The following CADM2 variants were observed in gnomAD, a reference collection of about 807,000 sequenced individuals.
The protein encoded by CADM2 is immunoglobulin superfamily member 4D.
Under a neutral mutation model 49.8 loss-of-function variants are expected in CADM2, and 12 were observed. The ratio of observed to expected loss-of-function variants is 0.24; its 90% CI spans 0.15 to 0.39. The LOEUF (loss-of-function observed/expected upper bound fraction) is 0.39, where lower values mean the gene tolerates loss of function less well. CADM2 is among the 10% of genes least tolerant of loss of function. The pLI is 1.00. For synonymous variants in CADM2, 214 were observed against 175.4 expected, an observed-to-expected ratio of 1.22 and a Z score of -1.74; for missense variants, 378 against 492.3, an observed-to-expected ratio of 0.77 and a Z score of 2.20.
At chr3:85,299,778 G>C (rs1186002323) in intron 1 of CADM2, among the ~76,000 whole-genome samples, 1 of 152,004 alleles carries the variant, frequency 6.6e-6, no homozygotes. Flanking sequence ...TGAAGCATGT[G>C]AGAGCTATAA....
At chr3:85,091,437 A>G (rs952617415) in intron 1 of CADM2, among the ~76,000 whole-genome samples, 3 of 152,190 alleles carry the variant, frequency 2.0e-5, no homozygotes, top group African/African-American at 4.8e-5. Context: ...CTTCTAATTC[A>G]TAGGTAAGAT....
intron 1 of CADM2, among the ~76,000 whole-genome samples, chr3:85,136,670 T>C (rs949032968): frequency 2.0e-5 from 3 of 151,966 alleles, no homozygotes; most frequent in Admixed American, 2.0e-4. Flanking sequence ...AGTTAAAACA[T>C]TTCTTAAGCA....
At chr3:85,433,385 T>C (rs1038613251) in intron 1 of CADM2, among the ~76,000 whole-genome samples, 7 of 152,048 alleles carry the variant, frequency 4.6e-5, no homozygotes, top group African/African-American at 1.7e-4. Flanking sequence ...GTGTTCCTGT[T>C]TCAAATAGGC....
chr3:85,101,683 G>A (rs551881018), intron 1 of CADM2, among the ~76,000 whole-genome samples: 1 of 152,170 alleles, frequency 6.6e-6, no homozygotes, highest in Admixed American at 6.5e-5. Flanking sequence ...CAGCTTAGAA[G>A]TATTGTGTTT....
intron 3 of CADM2, among the ~76,000 whole-genome samples, chr3:85,810,532 GTTTTTTTTTTTTT>G (rs71112120): frequency 2.5e-4 from 22 of 87,176 alleles, no homozygotes; most frequent in Non-Finnish European, 4.2e-4. Flanking sequence ...ATAGAATTCT[GTTTTTTTTTTTTT>G]TTTTTTTTTT....
intron 1 of CADM2, among the ~76,000 whole-genome samples, chr3:85,283,325 C>G (rs2106899053): frequency 6.6e-6 from 1 of 151,204 alleles, no homozygotes; most frequent in South Asian, 2.1e-4. Flanking sequence ...AAAATATTGC[C>G]CTTCTTCCAT....
intron 2 of CADM2, among the ~76,000 whole-genome samples, chr3:85,780,627 G>A (rs1181802089): frequency 6.6e-6 from 1 of 152,098 alleles, no homozygotes; most frequent in East Asian, 1.9e-4. Flanking sequence ...AGTTAGCAAA[G>A]TCCCTCAGGC....
chr3:85,520,630 A>G (rs1024245135), intron 1 of CADM2, among the ~76,000 whole-genome samples: 3 of 151,990 alleles, frequency 2.0e-5, no homozygotes, highest in African/African-American at 4.8e-5. Flanking sequence ...GTTTATATAG[A>G]TTCATCTTCT....
intron 1 of CADM2, among the ~76,000 whole-genome samples, chr3:85,178,957 T>C (rs115740646): frequency 2.8e-4 from 43 of 152,056 alleles, no homozygotes; most frequent in African/African-American, 1.0e-3. Context: ...CTTAAAATTA[T>C]ACTTTTGAAT....
At chr3:85,995,350 G>C (rs1729252205) in intron 8 of CADM2, among the ~76,000 whole-genome samples, 2 of 151,924 alleles carry the variant, frequency 1.3e-5, no homozygotes, top group East Asian at 1.9e-4. Context: ...AATTATGGTG[G>C]AAAAATAGTA....
chr3:84,971,889 G>A (rs1243786927), intron 1 of CADM2, among the ~76,000 whole-genome samples: 2 of 152,030 alleles, frequency 1.3e-5, no homozygotes, highest in Non-Finnish European at 2.9e-5. Flanking sequence ...AGGTGGATTG[G>A]TAATAGAGGA....
chr3:85,259,020 G>T (rs564996859), intron 1 of CADM2, among the ~76,000 whole-genome samples: 2 of 152,116 alleles, frequency 1.3e-5, no homozygotes, highest in African/African-American at 4.8e-5. Flanking sequence ...GAGGACTGGC[G>T]TAAAGAAAGC....
chr3:85,068,779 T>G lies in CADM2; in HGVS notation c.61+109111T>G, dbSNP rs2326127. On this transcript the variant is annotated intron_variant, in intron 1 of 9. Transcript: ENST00000383699. Reference sequence around the variant, plus strand: ...TTTTATTTTTACATTTTTATTTATTTAATTTTTTTTTTGCTTTTGGTTTTT... The same window carrying G: ...TTTTATTTTTACATTTTTATTTATTGAATTTTTTTTTTGCTTTTGGTTTTT... Among the ~76,000 whole-genome samples, 215 of 147,880 alleles carry G rather than the reference T, an allele frequency of 1.5e-3. 1 individual carries two copies. Among genetic ancestry groups the G allele is most frequent in the African/African-American group, 5.2e-3 (195 of 37,336 alleles).
At chr3:85,120,498 A>T (rs1026347468) in intron 1 of CADM2, among the ~76,000 whole-genome samples, 2 of 152,104 alleles carry the variant, frequency 1.3e-5, no homozygotes, top group East Asian at 3.9e-4. Context: ...ATGCAGCCAT[A>T]AAAAAAGAAT....
intron 1 of CADM2, among the ~76,000 whole-genome samples, chr3:85,648,059 A>G (rs1212697310): frequency 6.6e-6 from 1 of 151,912 alleles, no homozygotes; most frequent in Non-Finnish European, 1.5e-5. Context: ...AACTGTTTCA[A>G]AACACTTTGG....
At chr3:85,547,357 A>G (rs2061693006) in intron 1 of CADM2, among the ~76,000 whole-genome samples, 1 of 152,240 alleles carries the variant, frequency 6.6e-6, no homozygotes, top group South Asian at 2.1e-4. Context: ...CAATTAACCA[A>G]GAAAATATGA....
intron 8 of CADM2, among the ~76,000 whole-genome samples, chr3:86,026,832 C>A (rs1224657813): frequency 6.6e-6 from 1 of 152,130 alleles, no homozygotes; most frequent in African/African-American, 2.4e-5. Context: ...ATACTGAATA[C>A]TTCATGAATT....
At chr3:85,577,421 C>T (rs1330131761) in intron 1 of CADM2, among the ~76,000 whole-genome samples, 1 of 152,074 alleles carries the variant, frequency 6.6e-6, no homozygotes, top group Admixed American at 6.6e-5. Flanking sequence ...TCTCCTGCCC[C>T]GTTGCTCTCT....
intron 1 of CADM2, among the ~76,000 whole-genome samples, chr3:85,237,927 T>A (rs1012155143): frequency 4.6e-5 from 7 of 151,890 alleles, no homozygotes; most frequent in Admixed American, 3.9e-4. Flanking sequence ...CATATATTTT[T>A]TGGAAAGTAT....
Sources: allele counts gnomAD v4.1 joint callset (sites outside exome capture counted in the v4.1 genomes callset), GRCh38; gene constraint gnomAD v4.1.1; transcripts MANE v1.5; gene names NCBI Gene and HGNC (gene_info 2026-07-23, HGNC 2026-07-21).